RBM26: variants seen among roughly 807,000 people sequenced by gnomAD.
RBM26 encodes RNA binding motif protein 26, also known as RNA-binding protein 26.
RBM26 carries 30 observed loss-of-function variants against 123.6 expected under a neutral mutation model. The ratio of observed to expected loss-of-function variants is 0.24; its 90% CI spans 0.18 to 0.33. The LOEUF (loss-of-function observed/expected upper bound fraction) is 0.33, where lower values mean the gene tolerates loss of function less well. RBM26 is among the 10% of genes least tolerant of loss of function. The pLI is 1.00. For missense variants in RBM26, 947 were observed against 1,203.6 expected, an observed-to-expected ratio of 0.79 and a Z score of 3.15; for synonymous variants, 400 against 404.4, an observed-to-expected ratio of 0.99 and a Z score of 0.13.
intron 16 of RBM26, among the ~76,000 whole-genome samples, chr13:79,343,719 TA>T (rs1172735610): frequency 3.3e-5 from 5 of 151,946 alleles, no homozygotes; most frequent in Non-Finnish European, 7.4e-5. Context: ...ATATTTTGCT[TA>T]ACCTAATATA....
At chr13:79,340,673 AC>A (rs2071232054) in intron 18 of RBM26, among the ~76,000 whole-genome samples, 1 of 151,958 alleles carries the variant, frequency 6.6e-6, no homozygotes, top group South Asian at 2.1e-4. Context: ...TCTTTTCTAA[AC>A]ATCCACAGCA....
intron 18 of RBM26, 148 bp from the exon 19 acceptor site, chr13:79,337,450 T>A (rs1400656540): frequency 1.0e-6 from 1 of 984,056 alleles, no homozygotes. Context: ...TAAATTGGGG[T>A]TTTAGTTTAG....
In RBM26 at chr13:79,355,238, T is replaced by C; in HGVS notation, c.1836A>G (p.Leu612=). ...YWHREGSTQQ[L]QTTSPKVMQP... ...CTCTTACCTTTGGAGAAGTAGTTTG[T>C]AACTGTTGGGTGCTTCCTTCTCTGT... The change falls in exon 12 of 22, where the codon TTA becomes TTG. Residue 612 remains leucine, a synonymous_variant. Transcript: ENST00000438737. 1 of 1,613,860 alleles carries C rather than the reference T, an allele frequency of 6.2e-7. No individual in the cohort carries two copies. The highest frequency in any genetic ancestry group is 8.5e-7 in the Non-Finnish European group (1 of 1,179,822).
chr13:79,341,604 T>C (rs9565488), intron 17 of RBM26, among the ~76,000 whole-genome samples: 76,516 of 151,628 alleles, frequency 0.5, 19,710 homozygotes, highest in Middle Eastern at 0.59. Context: ...TACATTCATA[T>C]ATTTACAAAA....
At chr13:79,373,428 T>TATA (rs2076259005) in intron 3 of RBM26, among the ~76,000 whole-genome samples, 1 of 56,092 alleles carries the variant, frequency 1.8e-5, no homozygotes, top group East Asian at 3.6e-4. Flanking sequence ...AAATAAAATA[T>TATA]AAATATATAT....
chr13:79,371,936 T>TTAA lies in RBM26; in HGVS notation c.328-7_328-6insTTA. The TTAA allele has an allele frequency of 7.7e-7, 1 of 1,300,322 alleles. No homozygotes were observed. The highest frequency in any genetic ancestry group is 1.6e-5 in the African/African-American group (1 of 63,558). The allele number at this position is 1,300,322 out of a possible 1,614,324, so 80.5% of individuals were successfully genotyped here. On this transcript the variant is annotated splice_polypyrimidine_tract_variant and splice_region_variant and intron_variant, in intron 3 of 21. Transcript: ENST00000438737. ...CGCTCTTCCTCCTTAGTGATCTGAT[T>TTAA]AAAAAAAAAAAAAAAAGTGTACAAG...
At chr13:79,382,221 TA>T (rs2077121444) in intron 1 of RBM26, among the ~76,000 whole-genome samples, 1 of 152,138 alleles carries the variant, frequency 6.6e-6, no homozygotes, top group African/African-American at 2.4e-5. Flanking sequence ...AAAAAAACTA[TA>T]TTCATATAGC....
chr13:79,338,406 ATT>A (rs1459816113), intron 18 of RBM26, among the ~76,000 whole-genome samples: 1 of 152,054 alleles, frequency 6.6e-6, no homozygotes, highest in Non-Finnish European at 1.5e-5. Context: ...GGTGGATTGT[ATT>A]TAATACTTGT....
chr13:79,322,445 A>T lies in RBM26; in HGVS notation c.2838T>A (p.Ala946=), dbSNP rs777729128. The T allele has an allele frequency of 3.8e-6, 6 of 1,569,378 alleles. No individual in the cohort carries two copies. Among genetic ancestry groups the T allele is most frequent in the Non-Finnish European group, 5.2e-6 (6 of 1,163,186 alleles). Residue 946 remains alanine (A), a synonymous_variant, in exon 21 of 22, where the codon GCT becomes GCA. Coordinates refer to ENST00000438737, the MANE Select transcript of RBM26 (RefSeq NM_001366735.2). The part of the protein sequence containing the change: ...AEAEAAAVHG[A]RFKGQDLKLA... ...GTTTTAGATCTTGCCCTTTGAAACG[A>T]GCTCCATGAACTGCAGCCTAAAATG...
intron 20 of RBM26, among the ~76,000 whole-genome samples, chr13:79,331,910 T>C (rs2069488050): frequency 6.6e-6 from 1 of 152,188 alleles, no homozygotes; most frequent in African/African-American, 2.4e-5. Context: ...AACCATCTTC[T>C]AGGTAACAAG....
downstream of RBM26, among the ~76,000 whole-genome samples, chr13:79,318,572 G>C (rs1214980691): frequency 6.6e-6 from 1 of 151,192 alleles, no homozygotes; most frequent in Non-Finnish European, 1.5e-5. Context: ...TCCATTCTTT[G>C]GGATCACGCT....
intron 1 of RBM26, among the ~76,000 whole-genome samples, chr13:79,399,124 G>C (rs754888520): frequency 1.4e-4 from 22 of 152,206 alleles, no homozygotes; most frequent in Non-Finnish European, 2.6e-4. Flanking sequence ...GTCATGGTGG[G>C]AGGAGTCACT....
intron 10 of RBM26, among the ~76,000 whole-genome samples, chr13:79,359,174 C>G (rs990131016): frequency 6.6e-6 from 1 of 152,170 alleles, no homozygotes; most frequent in African/African-American, 2.4e-5. Flanking sequence ...CCAACCCCCA[C>G]AAAAGCCCTT....
chr13:79,354,988 A>G (rs900431186), intron 12 of RBM26, among the ~76,000 whole-genome samples: 1 of 152,246 alleles, frequency 6.6e-6, no homozygotes, highest in Non-Finnish European at 1.5e-5. Context: ...GGACTATTCC[A>G]TATGTCTCAC....
At chr13:79,353,372 CAG>C (rs2073535724) in intron 13 of RBM26, 148 bp from the exon 14 acceptor site, 2 of 428,816 alleles carry the variant, frequency 4.7e-6, no homozygotes, top group Admixed American at 4.2e-5. Flanking sequence ...TTAAAAGAGA[CAG>C]AAAGAAAATA....
downstream of RBM26, among the ~76,000 whole-genome samples, chr13:79,317,563 A>G (rs2067267611): frequency 6.6e-6 from 1 of 151,726 alleles, no homozygotes. Context: ...GGATATAAAA[A>G]TTAGTGGGAT....
intron 1 of RBM26, among the ~76,000 whole-genome samples, chr13:79,382,260 G>A (rs1472244691): frequency 6.6e-6 from 1 of 151,944 alleles, no homozygotes; most frequent in Non-Finnish European, 1.5e-5. Flanking sequence ...TATCTCCATG[G>A]CTAGCAAGAT....
At chr13:79,365,387 G>A (rs540899091) in intron 9 of RBM26, among the ~76,000 whole-genome samples, 191 bp downstream of exon 9, 1 of 152,262 alleles carries the variant, frequency 6.6e-6, no homozygotes, top group East Asian at 1.9e-4. Flanking sequence ...AGGTTAGAGT[G>A]AGCTGAGATC....
intron 18 of RBM26, among the ~76,000 whole-genome samples, chr13:79,340,043 A>C (rs2071100571): frequency 6.6e-6 from 1 of 152,156 alleles, no homozygotes; most frequent in Non-Finnish European, 1.5e-5. Context: ...TATTTAAATT[A>C]TGGGCCAGAA....
Sources: gnomAD v4.1 joint callset for allele counts (sites outside exome capture counted in the v4.1 genomes callset) on GRCh38, gnomAD v4.1.1 for gene constraint, MANE v1.5 for transcripts, NCBI Gene and HGNC (gene_info 2026-07-23, HGNC 2026-07-21) for gene names.